The following HIVEP3 variants were observed in gnomAD, a reference collection of about 807,000 sequenced individuals.
HIVEP3 encodes the protein HIVEP zinc finger 3, also known as transcription factor HIVEP3.
HIVEP3 carries 49 observed loss-of-function variants against 152.8 expected under a neutral mutation model. That is an observed-to-expected ratio of 0.32 (90% confidence interval 0.26 to 0.41). HIVEP3 has a LOEUF of 0.41. Among genes scored for constraint, HIVEP3 ranks in the 10% least tolerant of loss-of-function variants. The pLI is 1.00. For synonymous variants in HIVEP3, 1,269 were observed against 1,289.0 expected, an observed-to-expected ratio of 0.98 and a Z score of 0.33; for missense variants, 2,790 against 3,103.3, an observed-to-expected ratio of 0.90 and a Z score of 2.40.
intron 1 of HIVEP3, among the ~76,000 whole-genome samples, chr1:41,991,979 C>T (rs371410663): frequency 6.7e-6 from 1 of 148,346 alleles, no homozygotes; most frequent in South Asian, 2.2e-4. Flanking sequence ...CAATAAATTA[C>T]GTATTGATGG....
chr1:41,651,491 C>T (rs1203490126), intron 2 of HIVEP3, among the ~76,000 whole-genome samples: 5 of 151,586 alleles, frequency 3.3e-5, no homozygotes, highest in African/African-American at 4.8e-5. Flanking sequence ...ACTATGTGAT[C>T]CACATAAATG....
intron 1 of HIVEP3, among the ~76,000 whole-genome samples, chr1:42,020,232 T>C (rs1645545911): frequency 6.6e-6 from 1 of 151,962 alleles, no homozygotes; most frequent in Non-Finnish European, 1.5e-5. Flanking sequence ...GAAATGTTAC[T>C]TTTTTTTCTA....
chr1:41,675,789 A>G (rs1348676646), intron 2 of HIVEP3, among the ~76,000 whole-genome samples: 2 of 152,252 alleles, frequency 1.3e-5, no homozygotes, highest in Non-Finnish European at 2.9e-5. Flanking sequence ...TCAGCCCTCA[A>G]TATGGGTGTA....
rs1032357502 is a variant in HIVEP3 at position 41,509,859 on chromosome 1, T to C, written c.*592A>G. On this transcript the variant is annotated 3_prime_UTR_variant, in exon 9 of 9. Coordinates refer to ENST00000372583, the MANE Select transcript of HIVEP3 (RefSeq NM_024503.5). ...AAAAAAAAAAAAAGGAAAAGATTAG[T>C]TTTTCTGGGCCTGCCTGCTGGGGCC... 2.7e-5 allele frequency: 4 copies of C among 148,612 alleles called. No homozygotes were observed. The highest frequency in any genetic ancestry group is 9.9e-5 in the African/African-American group (4 of 40,354). The allele number at this position is 148,612 out of a possible 1,614,324, so 9.2% of individuals were successfully genotyped here.
rs141824737 is a variant in HIVEP3, at chr1:41,862,771, G to A, written c.-801+55642C>T. On this transcript the variant is annotated intron_variant, in intron 1 of 8. Coordinates refer to ENST00000372583, the MANE Select transcript of HIVEP3 (RefSeq NM_024503.5). ...GGCAGGTCAGAGACTTAGGTTTTAG[G>A]AGTCAGGCAAGGGAATCAGATAAAG... Among the ~76,000 whole-genome samples the A allele has an allele frequency of 5.2e-3, 798 of 152,298 alleles. 2 individuals are homozygous for A. Among genetic ancestry groups the A allele is most frequent in the Non-Finnish European group, 7.2e-3 (487 of 68,034 alleles).
intron 6 of HIVEP3, 102 bp downstream of exon 6, chr1:41,524,633 C>G (rs919253889): frequency 9.2e-7 from 1 of 1,087,566 alleles, no homozygotes; most frequent in Middle Eastern, 2.9e-4. Context: ...CTGCTCCAGG[C>G]CCCCTGCAAA....
At chr1:41,773,902 G>T (rs1648528661) in intron 1 of HIVEP3, among the ~76,000 whole-genome samples, 1 of 152,208 alleles carries the variant, frequency 6.6e-6, no homozygotes, top group Non-Finnish European at 1.5e-5. Flanking sequence ...CACAGATGAA[G>T]GACAAGTCTT....
rs1358445559 is a variant in HIVEP3, at chr1:41,534,828, T to TTGATGG, written c.5208-9924_5208-9919dup. Among the ~76,000 whole-genome samples the TTGATGG allele has an allele frequency of 2.2e-4, 34 of 152,294 alleles. No homozygotes were observed. In the Middle Eastern group the frequency reaches 0.02, roughly 91 times the overall value. On this transcript the variant is annotated intron_variant, in intron 5 of 8. Coordinates refer to ENST00000372583, the MANE Select transcript of HIVEP3 (RefSeq NM_024503.5). ...GGGACACAGGCAGTGCCTCAGAACC[T>TTGATGG]TGATGGGCGCATACGCTGCCCACCT...
At chr1:41,875,745 G>A (rs1644159039) in intron 1 of HIVEP3, among the ~76,000 whole-genome samples, 1 of 152,202 alleles carries the variant, frequency 6.6e-6, no homozygotes, top group African/African-American at 2.4e-5. Context: ...CACTGGTACA[G>A]GCTGTCCCCA....
chr1:41,995,892 C>A (rs190054738), intron 1 of HIVEP3, among the ~76,000 whole-genome samples: 104 of 152,330 alleles, frequency 6.8e-4, no homozygotes, highest in Middle Eastern at 3.4e-3. Context: ...AGAGGCCAAA[C>A]CACACTTGCC....
chr1:41,815,872 C>G (rs1010596811), intron 1 of HIVEP3, among the ~76,000 whole-genome samples: 3 of 151,858 alleles, frequency 2.0e-5, no homozygotes, highest in Non-Finnish European at 4.4e-5. Flanking sequence ...TGGGTTCAAG[C>G]AATCCTCCTG....
At chr1:41,837,974 A>T (rs1643174661) in intron 1 of HIVEP3, among the ~76,000 whole-genome samples, 1 of 152,128 alleles carries the variant, frequency 6.6e-6, no homozygotes. Flanking sequence ...TTGCATATGG[A>T]CATCTGAATA....
At chr1:41,907,571 C>T (rs1383703958) in intron 1 of HIVEP3, among the ~76,000 whole-genome samples, 3 of 152,172 alleles carry the variant, frequency 2.0e-5, no homozygotes, top group Non-Finnish European at 4.4e-5. Flanking sequence ...GAGACTGGCA[C>T]GGTTCCCTCC....
At chr1:41,653,322 A>C (rs970137474) in intron 2 of HIVEP3, among the ~76,000 whole-genome samples, 1 of 152,062 alleles carries the variant, frequency 6.6e-6, no homozygotes, top group Non-Finnish European at 1.5e-5. Flanking sequence ...ACCTCTACAC[A>C]CACACTCACA....
intron 1 of HIVEP3, among the ~76,000 whole-genome samples, chr1:41,925,011 A>G (rs1454646094): frequency 6.6e-6 from 1 of 152,188 alleles, no homozygotes; most frequent in Non-Finnish European, 1.5e-5. Context: ...GCATCATAAG[A>G]TGTGACTCCA....
chr1:42,035,228 C>A (rs1645634185), intron 1 of HIVEP3, among the ~76,000 whole-genome samples: 2 of 152,206 alleles, frequency 1.3e-5, no homozygotes, highest in South Asian at 4.1e-4. Context: ...ATCCAGAGCT[C>A]GCTAACGTAG....
At chr1:41,909,992 A>C (rs988043006) in intron 1 of HIVEP3, among the ~76,000 whole-genome samples, 17 of 151,990 alleles carry the variant, frequency 1.1e-4, no homozygotes, top group South Asian at 8.3e-4. Context: ...TGGGGAAAAA[A>C]GCCTGAAAAT....
intron 2 of HIVEP3, among the ~76,000 whole-genome samples, chr1:41,644,417 C>T (rs1399576710): frequency 1.3e-5 from 2 of 152,158 alleles, no homozygotes; most frequent in African/African-American, 4.8e-5. Context: ...TCCTCTCAAA[C>T]CAAAAACCTG....
chr1:41,792,810 A>T (rs72961245), intron 1 of HIVEP3, among the ~76,000 whole-genome samples: 5,115 of 152,354 alleles, frequency 0.034, 286 homozygotes, highest in African/African-American at 0.12. Context: ...AAAATAAAGA[A>T]AGTAAGGAGA....
Sources: allele counts gnomAD v4.1 joint callset (sites outside exome capture counted in the v4.1 genomes callset), GRCh38; gene constraint gnomAD v4.1.1; transcripts MANE v1.5; gene names NCBI Gene and HGNC (gene_info 2026-07-23, HGNC 2026-07-21).